SLC9A7: variants seen among roughly 807,000 people sequenced by gnomAD.
SLC9A7 encodes the protein solute carrier family 9 member A7, also known as sodium/hydrogen exchanger 7.
A neutral mutation model predicts 52.6 loss-of-function variants in SLC9A7; 19 were observed. The observed-to-expected ratio is 0.36, with a 90% CI of 0.25 to 0.53. The LOEUF (loss-of-function observed/expected upper bound fraction) is 0.53, where lower values mean the gene tolerates loss of function less well. Ranked by LOEUF, SLC9A7 falls within the 20% of genes least tolerant of loss-of-function variation. SLC9A7 has a pLI of 0.91. For synonymous variants in SLC9A7, 226 were observed against 252.1 expected (o/e 0.90, Z 0.98); for missense variants, 455 against 597.9 (o/e 0.76, Z 2.49).
At chrX:46,755,789 T>G (rs1236263514) in intron 1 of SLC9A7, among the ~76,000 whole-genome samples, 7 of 103,353 alleles carry the variant, frequency 6.8e-5, no homozygotes, top group Admixed American at 3.2e-4. Flanking sequence ...GCTACTGCAT[T>G]CAAGCCTGGG....
chrX:46,701,968 A>C (rs900250871), intron 1 of SLC9A7, among the ~76,000 whole-genome samples: 3 of 111,582 alleles, frequency 2.7e-5, no homozygotes, highest in African/African-American at 9.8e-5. Flanking sequence ...CCCATACCCC[A>C]TTCTCTGGAC....
chrX:46,652,120 A>T (rs1323908303), intron 8 of SLC9A7, among the ~76,000 whole-genome samples: 7 of 111,592 alleles, frequency 6.3e-5, no homozygotes. Flanking sequence ...AGAATGAATG[A>T]ACTGAATTTC....
rs1265035658 is a variant in SLC9A7, at chrX:46,599,727, T to TGTC, written c.*7222_*7224dup. 2 of 111,831 alleles carry TGTC rather than the reference T, an allele frequency of 1.8e-5. No individual in the cohort carries two copies. Among genetic ancestry groups the TGTC allele is most frequent in the Non-Finnish European group, 3.8e-5 (2 of 53,219 alleles). 9.2% of individuals were successfully genotyped at this position (111,831 alleles called of 1,213,427 possible). A position where few individuals can be genotyped will look rare whatever the true frequency, so the allele number is the denominator to read the frequency against. ...TTAATTTTTCACAGTTATACTTTAATGTCATTTTATATAACGTTTATTTAT... is the reference window on the plus strand; with the variant it reads ...TTAATTTTTCACAGTTATACTTTAATGTCGTCATTTTATATAACGTTTATTTAT... On this transcript the variant is annotated 3_prime_UTR_variant, in exon 17 of 17. Coordinates refer to ENST00000616978, the MANE Select transcript of SLC9A7 (RefSeq NM_001257291.2).
At position 46,600,417 on chromosome X, in the gene SLC9A7, A is replaced by ACTT. The variant is rs1341724536; in HGVS notation, c.*6532_*6534dup. 9.0e-6 allele frequency: 1 copy of ACTT among 111,559 alleles called. No homozygotes were observed. The highest frequency in any genetic ancestry group is 3.3e-5 in the African/African-American group (1 of 30,705). 9.2% of individuals were successfully genotyped at this position (111,559 alleles called of 1,213,427 possible). Reference sequence around the variant, plus strand: ...AGGTGGTCATCAGAAGGAGAAGGTGACTTCTGCTGTGTGCGCTCCTGTCTG... The same window carrying ACTT: ...AGGTGGTCATCAGAAGGAGAAGGTGACTTCTTCTGCTGTGTGCGCTCCTGTCTG... On this transcript the variant is annotated 3_prime_UTR_variant, in exon 17 of 17. Transcript: ENST00000616978.
intron 1 of SLC9A7, among the ~76,000 whole-genome samples, chrX:46,730,723 A>G (rs890084753): frequency 3.3e-4 from 24 of 73,130 alleles, no homozygotes; most frequent in Non-Finnish European, 6.2e-4. Flanking sequence ...ATGGATGAGA[A>G]GACCTTGTTT....
chrX:46,638,895 CA>C (rs1943361427), intron 12 of SLC9A7, among the ~76,000 whole-genome samples: 1 of 112,130 alleles, frequency 8.9e-6, no homozygotes, highest in Non-Finnish European at 1.9e-5. Flanking sequence ...CAAAAACAGA[CA>C]AAAGCAGTAC....
At chrX:46,657,453 T>A in intron 7 of SLC9A7, among the ~76,000 whole-genome samples, 1 of 110,328 alleles carries the variant, frequency 9.1e-6, no homozygotes, top group Admixed American at 9.7e-5. Context: ...TCAAGACCCA[T>A]CAGTGTGCTG....
At position 46,631,609 on chromosome X, in the gene SLC9A7, CGTT is replaced by C. The variant is rs746256363; in HGVS notation, c.1714_1716del (p.Asn572del). On this transcript the variant is annotated inframe_deletion, in exon 14 of 17. Coordinates refer to ENST00000616978, the MANE Select transcript of SLC9A7 (RefSeq NM_001257291.2). ...ACCCCTTGTAAGACTTGAAAGCTGTCGTTGTTGGGTGGTGGGTCTTGATCGGGG... is the reference window on the plus strand; with the variant it reads ...ACCCCTTGTAAGACTTGAAAGCTGTCGTTGGGTGGTGGGTCTTGATCGGGG... 1 of 1,209,748 alleles carries C rather than the reference CGTT, an allele frequency of 8.3e-7. No individual in the cohort carries two copies. The highest frequency in any genetic ancestry group is 1.7e-5 in the African/African-American group (1 of 57,715).
intron 14 of SLC9A7, among the ~76,000 whole-genome samples, chrX:46,626,174 T>C (rs183712973): frequency 3.9e-4 from 44 of 112,573 alleles, no homozygotes; most frequent in African/African-American, 1.4e-3. Flanking sequence ...AACTTTATTG[T>C]TTTAAGCCAC....
chrX:46,705,664 G>T (rs1944593395), intron 1 of SLC9A7, among the ~76,000 whole-genome samples: 1 of 111,546 alleles, frequency 9.0e-6, no homozygotes, highest in Non-Finnish European at 1.9e-5. Context: ...GTGAGATGTT[G>T]TCTCTACAAA....
intron 1 of SLC9A7, among the ~76,000 whole-genome samples, chrX:46,720,076 A>G (rs1389263572): frequency 1.8e-5 from 2 of 111,846 alleles, no homozygotes; most frequent in Non-Finnish European, 3.8e-5. Context: ...TGAGGACCTC[A>G]ATAGCTGGTA....
chrX:46,656,543 G>A (rs370723426), intron 7 of SLC9A7, among the ~76,000 whole-genome samples: 3,445 of 103,635 alleles, frequency 0.033, 118 homozygotes, highest in South Asian at 0.12. Context: ...TGATGGAGCT[G>A]AAAACCAAGG....
In SLC9A7 at chrX:46,639,623, T is replaced by C. The variant is rs1943373886; in HGVS notation, c.1616+3613A>G. Among the ~76,000 whole-genome samples, 3 of 109,668 alleles carry C rather than the reference T, an allele frequency of 2.7e-5. No homozygotes were observed. The Admixed American group carries it at 2.9e-4, about 11-fold the overall frequency. ...ATCAGAAACAAGATGAGGATGTCCA[T>C]TTATACCACTCTTATTCTACATAGT... On this transcript the variant is annotated intron_variant, in intron 12 of 16. Transcript: ENST00000616978.
intron 5 of SLC9A7, among the ~76,000 whole-genome samples, chrX:46,663,515 G>C (rs1489873164): frequency 1.9e-5 from 2 of 105,162 alleles, no homozygotes; most frequent in Non-Finnish European, 3.9e-5. Context: ...GCATATGCCT[G>C]TAATCCCAGC....
rs868709707 is a variant in SLC9A7 at position 46,607,057 on chromosome X, C to T, written c.2076G>A (p.Thr692=). ...ASTSLEGSRR[T]KSSSEEVLER... ...CCAGCACTTCCTCCGAGCTGCTCTTCGTTCTCCGGCTGCCCTCCAGACTCG... is the reference window on the plus strand; with the variant it reads ...CCAGCACTTCCTCCGAGCTGCTCTTTGTTCTCCGGCTGCCCTCCAGACTCG... The change falls in exon 17 of 17, where the codon ACG becomes ACA. Residue 692 remains threonine, a synonymous_variant. Transcript: ENST00000616978. 5 of 1,211,738 alleles carry T rather than the reference C, an allele frequency of 4.1e-6. No individual in the cohort carries two copies. Among genetic ancestry groups the T allele is most frequent in the South Asian group, 1.8e-5 (1 of 56,956 alleles).
chrX:46,711,849 C>T (rs1030755016), intron 1 of SLC9A7, among the ~76,000 whole-genome samples: 30 of 101,916 alleles, frequency 2.9e-4, no homozygotes, highest in African/African-American at 8.8e-4. Context: ...CAAAGGGAAA[C>T]GAGAAAACAA....
chrX:46,757,449 A>T (rs1922755145), intron 1 of SLC9A7, among the ~76,000 whole-genome samples: 1 of 112,754 alleles, frequency 8.9e-6, no homozygotes, highest in Admixed American at 9.4e-5. Context: ...CCTGGTGGCC[A>T]TGAGCCCCGG....
At chrX:46,668,908 C>T (rs1169734167) in intron 5 of SLC9A7, among the ~76,000 whole-genome samples, 1 of 111,735 alleles carries the variant, frequency 8.9e-6, no homozygotes, top group Non-Finnish European at 1.9e-5. Context: ...TGGCTCACAC[C>T]TGTAATCCCA....
Position 46,607,036 on chromosome X carries a change from C to G in SLC9A7, c.2097G>C (p.Val699=), listed in dbSNP as rs140043119. Residue 699 remains valine (V), a synonymous_variant, in exon 17 of 17, where the codon GTG becomes GTC. Coordinates refer to ENST00000616978, the MANE Select transcript of SLC9A7 (RefSeq NM_001257291.2). ...SRRTKSSSEE[V]LERDLGMGDQ... is the part of the protein sequence containing the mutation. ...CTCCCATTCCCAGGTCTCGCTCCAG[C>G]ACTTCCTCCGAGCTGCTCTTCGTTC... 5.8e-6 allele frequency: 7 copies of G among 1,209,648 alleles called. No individual in the cohort carries two copies. The African/African-American group carries it at 1.2e-4, about 21-fold the overall frequency.
Sources: allele counts gnomAD v4.1 joint callset (sites outside exome capture counted in the v4.1 genomes callset), GRCh38; gene constraint gnomAD v4.1.1; transcripts MANE v1.5; gene names NCBI Gene and HGNC (gene_info 2026-07-23, HGNC 2026-07-21).